Variants in LRRTM4 observed in about 807,000 individuals in gnomAD.
The protein encoded by LRRTM4 is leucine rich repeat transmembrane neuronal 4.
In LRRTM4, 25 loss-of-function variants were observed where a neutral mutation model predicts 47.6. That is an observed-to-expected ratio of 0.53 (90% CI 0.38 to 0.73). The LOEUF (loss-of-function observed/expected upper bound fraction) is 0.73, where lower values mean the gene tolerates loss of function less well. LRRTM4 is among the 30% of genes least tolerant of loss of function. The pLI is 0.00. For missense variants in LRRTM4, 638 were observed against 713.4 expected (o/e 0.89, Z 1.20); for synonymous variants, 311 against 269.5 (o/e 1.15, Z -1.51).
intron 3 of LRRTM4, among the ~76,000 whole-genome samples, chr2:76,781,688 A>G (rs1366122460): frequency 1.3e-5 from 2 of 152,222 alleles, no homozygotes; most frequent in African/African-American, 4.8e-5. Context: ...GGTACCTCAG[A>G]TGGAAATGCA....
intron 3 of LRRTM4, among the ~76,000 whole-genome samples, chr2:77,184,316 C>G (rs1332829154): frequency 6.6e-6 from 1 of 151,950 alleles, no homozygotes; most frequent in African/African-American, 2.4e-5. Context: ...CCAAAGGTTT[C>G]AATATTTTTC....
intron 3 of LRRTM4, among the ~76,000 whole-genome samples, chr2:76,928,432 A>C (rs930248708): frequency 1.3e-5 from 2 of 152,190 alleles, no homozygotes; most frequent in East Asian, 3.9e-4. Flanking sequence ...GCAAGATCAA[A>C]TTCTGCAGCG....
chr2:77,208,336 G>A (rs554102199), intron 3 of LRRTM4, among the ~76,000 whole-genome samples: 15 of 152,210 alleles, frequency 9.9e-5, no homozygotes, highest in African/African-American at 3.4e-4. Flanking sequence ...TAAGTCATAG[G>A]AAGCCTCCTT....
intron 3 of LRRTM4, among the ~76,000 whole-genome samples, chr2:77,456,057 C>G (rs1676525963): frequency 6.6e-6 from 1 of 152,106 alleles, no homozygotes; most frequent in South Asian, 2.1e-4. Flanking sequence ...TCCATGTCCC[C>G]TACCTTGAGC....
intron 3 of LRRTM4, among the ~76,000 whole-genome samples, chr2:76,813,952 T>G (rs547155175): frequency 6.6e-6 from 1 of 152,310 alleles, no homozygotes; most frequent in African/African-American, 2.4e-5. Context: ...TTATCTAATT[T>G]TATTTTCCTG....
At chr2:77,161,812 C>G (rs771646012) in intron 3 of LRRTM4, among the ~76,000 whole-genome samples, 5 of 151,904 alleles carry the variant, frequency 3.3e-5, no homozygotes, top group Non-Finnish European at 5.9e-5. Flanking sequence ...AATATTATTT[C>G]ACTGAGTTCC....
chr2:77,341,193 A>G (rs899364479), intron 3 of LRRTM4, among the ~76,000 whole-genome samples: 7 of 151,918 alleles, frequency 4.6e-5, no homozygotes, highest in African/African-American at 1.7e-4. Flanking sequence ...CTAGCTGAAC[A>G]CACCCAGGTA....
rs532500586 is a variant in LRRTM4 at position 77,117,353 on chromosome 2, G to T, written c.1552-368437C>A. Among the ~76,000 whole-genome samples the T allele has an allele frequency of 1.6e-3, 241 of 151,802 alleles. 2 individuals are homozygous for T. Among genetic ancestry groups the T allele is most frequent in the African/African-American group, 5.5e-3 (229 of 41,456 alleles). ...ATTTTTGCTGTAAAACTTAGAACAG[G>T]TATTTAAATATTATCTCTTACATGT... On this transcript the variant is annotated intron_variant, in intron 3 of 3. Coordinates refer to ENST00000409884, the MANE Select transcript of LRRTM4 (RefSeq NM_001134745.3).
intron 3 of LRRTM4, among the ~76,000 whole-genome samples, chr2:77,318,856 T>C (rs1404523597): frequency 6.8e-6 from 1 of 146,890 alleles, no homozygotes; most frequent in East Asian, 2.0e-4. Flanking sequence ...ATTCTGAGTG[T>C]TGTAGATTTT....
chr2:77,279,718 C>A (rs1263685593), intron 3 of LRRTM4, among the ~76,000 whole-genome samples: 1 of 151,744 alleles, frequency 6.6e-6, no homozygotes, highest in Non-Finnish European at 1.5e-5. Flanking sequence ...ATAAAACCCC[C>A]ATATGTCTGT....
At chr2:77,294,676 C>T (rs1227948070) in intron 3 of LRRTM4, among the ~76,000 whole-genome samples, 1 of 152,112 alleles carries the variant, frequency 6.6e-6, no homozygotes, top group African/African-American at 2.4e-5. Flanking sequence ...CTCCCTGCTG[C>T]TTAGATTTAT....
At chr2:77,117,805 T>G (rs2103949271) in intron 3 of LRRTM4, among the ~76,000 whole-genome samples, 1 of 151,986 alleles carries the variant, frequency 6.6e-6, no homozygotes, top group South Asian at 2.1e-4. Flanking sequence ...CTAAAAACAT[T>G]TATGGGTCCT....
chr2:77,489,405 C>T (rs1349222832), intron 3 of LRRTM4, among the ~76,000 whole-genome samples: 2 of 152,140 alleles, frequency 1.3e-5, no homozygotes, highest in African/African-American at 4.8e-5. Flanking sequence ...ATTTAAACAA[C>T]AATTTCTAAT....
chr2:77,437,050 T>C (rs1366221641), intron 3 of LRRTM4, among the ~76,000 whole-genome samples: 5 of 152,016 alleles, frequency 3.3e-5, no homozygotes, highest in Non-Finnish European at 5.9e-5. Flanking sequence ...CTTATCTGTT[T>C]TGACAGTGAT....
chr2:76,807,469 T>TATAA (rs1361757832), intron 3 of LRRTM4, among the ~76,000 whole-genome samples: 1 of 69,920 alleles, frequency 1.4e-5, no homozygotes, highest in Admixed American at 1.9e-4. Flanking sequence ...CATATATATA[T>TATAA]ACATATATAT....
intron 3 of LRRTM4, among the ~76,000 whole-genome samples, chr2:76,770,362 T>G (rs2222179): frequency 1.3e-5 from 2 of 151,904 alleles, no homozygotes; most frequent in East Asian, 3.9e-4. Context: ...CTCCATCATC[T>G]GTATTGACCA....
chr2:76,828,164 A>T (rs1671238405), intron 3 of LRRTM4, among the ~76,000 whole-genome samples: 2 of 151,934 alleles, frequency 1.3e-5, no homozygotes, highest in South Asian at 4.1e-4. Context: ...TCACTTTAAC[A>T]TTGAATGATG....
chr2:76,822,233 C>G (rs1417469431), intron 3 of LRRTM4, among the ~76,000 whole-genome samples: 1 of 151,120 alleles, frequency 6.6e-6, no homozygotes, highest in African/African-American at 2.4e-5. Context: ...GAGCTAAAAA[C>G]AAGAGATACT....
At chr2:76,810,927 T>C (rs1670713301) in intron 3 of LRRTM4, among the ~76,000 whole-genome samples, 1 of 152,184 alleles carries the variant, frequency 6.6e-6, no homozygotes, top group Non-Finnish European at 1.5e-5. Context: ...AGAAATACCA[T>C]ACTATTCAAT....
Sources: gnomAD v4.1 joint callset for allele counts (sites outside exome capture counted in the v4.1 genomes callset) on GRCh38, gnomAD v4.1.1 for gene constraint, MANE v1.5 for transcripts, NCBI Gene and HGNC (gene_info 2026-07-23, HGNC 2026-07-21) for gene names.